Variants in REXO2 observed in about 807,000 individuals in gnomAD.
The protein encoded by REXO2 is RNA exonuclease 2, also known as oligoribonuclease, mitochondrial.
In REXO2, 17 loss-of-function variants were observed where a neutral mutation model predicts 30.9. The observed-to-expected ratio is 0.55, with a 90% CI of 0.38 to 0.82. The LOEUF is 0.82. Ranked by LOEUF, REXO2 falls within the 40% of genes least tolerant of loss-of-function variation. REXO2 has a pLI of 0.00. For missense variants in REXO2, 253 were observed against 293.2 expected, an observed-to-expected ratio of 0.86 and a Z score of 1.00; for synonymous variants, 105 against 99.6, an observed-to-expected ratio of 1.05 and a Z score of -0.32.
intron 4 of REXO2, among the ~76,000 whole-genome samples, chr11:114,444,925 A>G (rs1329979593): frequency 6.6e-6 from 1 of 152,242 alleles, no homozygotes; most frequent in Non-Finnish European, 1.5e-5. Context: ...TCACATGCAC[A>G]GAGGAGTGGA....
chr11:114,440,548 A>G (rs979671567), intron 1 of REXO2, 108 bp from the exon 2 acceptor site: 22 of 792,898 alleles, frequency 2.8e-5, no homozygotes, highest in Middle Eastern at 5.1e-4. Context: ...TGTTTCGGCT[A>G]TGGATTACAA....
intron 2 of REXO2, chr11:114,442,025 T>C (rs1946482000): frequency 2.1e-6 from 1 of 476,090 alleles, no homozygotes; most frequent in South Asian, 3.9e-5. Flanking sequence ...ACTGTTGATA[T>C]AATGTGAAAT....
intron 5 of REXO2, among the ~76,000 whole-genome samples, 165 bp from the exon 6 acceptor site, chr11:114,447,661 A>G (rs1204462405): frequency 2.6e-5 from 4 of 152,166 alleles, no homozygotes; most frequent in African/African-American, 9.7e-5. Flanking sequence ...GAAAATATAT[A>G]GAAGAAAGAG....
chr11:114,441,815 A>G (rs906754682), intron 2 of REXO2: 4 of 701,384 alleles, frequency 5.7e-6, no homozygotes, highest in Non-Finnish European at 7.8e-6. Context: ...TCCTCCCCAC[A>G]TATCAACTGT....
chr11:114,440,627 G>C (rs1322234658), intron 1 of REXO2, 29 bp from the exon 2 acceptor site: 1 of 1,523,482 alleles, frequency 6.6e-7, no homozygotes, highest in African/African-American at 1.4e-5. Flanking sequence ...ATGGCTTTGT[G>C]TGTGTTATAT....
intron 1 of REXO2, chr11:114,440,072 G>T: frequency 2.1e-6 from 1 of 478,148 alleles, no homozygotes; most frequent in East Asian, 6.3e-5. Context: ...CGGGACTCCG[G>T]AGATGACTCA....
At chr11:114,446,250 C>T (rs1946509244) in intron 5 of REXO2, 163 bp downstream of exon 5, 1 of 432,618 alleles carries the variant, frequency 2.3e-6, no homozygotes. Context: ...TTACCCTGGA[C>T]TGGTGAGAAT....
intron 5 of REXO2, among the ~76,000 whole-genome samples, chr11:114,446,550 A>G (rs1218291721): frequency 6.6e-6 from 1 of 152,218 alleles, no homozygotes; most frequent in Non-Finnish European, 1.5e-5. Context: ...AGGAATGGGG[A>G]GTCAGAGAAA....
intron 2 of REXO2, chr11:114,441,701 T>G (rs1220611142): frequency 2.8e-6 from 2 of 702,054 alleles, no homozygotes; most frequent in Non-Finnish European, 5.2e-6. Context: ...CTGGATACAT[T>G]TCGTAAATCT....
At chr11:114,440,121 C>T (rs771499099) in intron 1 of REXO2, 23 of 465,608 alleles carry the variant, frequency 4.9e-5, no homozygotes, top group Non-Finnish European at 7.3e-5. Flanking sequence ...CATTGAGGCC[C>T]ACAGAAAGGA....
Position 114,439,518 on chromosome 11 carries a change from G to A in REXO2, c.-11G>A, listed in dbSNP as rs371812301. 3.4e-5 allele frequency: 55 copies of A among 1,604,168 alleles called. No individual in the cohort carries two copies. Among genetic ancestry groups the A allele is most frequent in the Middle Eastern group, 2.1e-4 (1 of 4,724 alleles). ...CTGCGAGACTGGGGCCGTGGCTGCT[G>A]GTCCCGGGTGATGCTAGGCGGCTCC... On this transcript the variant is annotated 5_prime_UTR_variant, in exon 1 of 7. Coordinates refer to ENST00000265881, the MANE Select transcript of REXO2 (RefSeq NM_015523.4).
At chr11:114,449,106 C>G (rs1946529916) in intron 6 of REXO2, 1 of 152,188 alleles carries the variant, frequency 6.6e-6, no homozygotes, top group Non-Finnish European at 1.5e-5. Flanking sequence ...TCTTGGTTAC[C>G]TGATTTCTCA....
rs1471188731 is a variant in REXO2, at chr11:114,444,194, A to T, written c.309+261A>T. ...ATTGTGGATTGTCAAGTATTACTCA[A>T]GTCAGTCTTTTGGATAAGGTTAGAC... On this transcript the variant is annotated intron_variant, in intron 3 of 6. Coordinates refer to ENST00000265881, the MANE Select transcript of REXO2 (RefSeq NM_015523.4). The T allele has an allele frequency of 9.8e-6, 6 of 615,262 alleles. No individual in the cohort carries two copies. The Admixed American group carries it at 1.3e-4, about 13-fold the overall frequency. The allele number at this position is 615,262 out of a possible 1,614,324, so 38.1% of individuals were successfully genotyped here. A position where few individuals can be genotyped will look rare whatever the true frequency, so the allele number is the denominator to read the frequency against.
chr11:114,440,002 G>T (rs900779052), intron 1 of REXO2: 3 of 497,042 alleles, frequency 6.0e-6, no homozygotes, highest in Non-Finnish European at 1.1e-5. Context: ...GGGGGCAGCG[G>T]CTCTGTTCCC....
In REXO2 at chr11:114,443,842, T is replaced by G; in HGVS notation, c.232-14T>G. The G allele has an allele frequency of 6.3e-7, 1 of 1,594,818 alleles. No individual in the cohort carries two copies. The highest frequency in any genetic ancestry group is 1.7e-5 in the Admixed American group (1 of 58,164). On this transcript the variant is annotated splice_polypyrimidine_tract_variant and intron_variant, in intron 2 of 6. Transcript: ENST00000265881. Reference sequence around the variant, plus strand: ...TGTTGTTTCTTGGTGACTGATGGCGTTTCCCATCCACAGGGTCCTAACCTG... The same window carrying G: ...TGTTGTTTCTTGGTGACTGATGGCGGTTCCCATCCACAGGGTCCTAACCTG...
At chr11:114,441,690 A>C in intron 2 of REXO2, 1 of 701,858 alleles carries the variant, frequency 1.4e-6, no homozygotes, top group Non-Finnish European at 2.6e-6. Flanking sequence ...TGTTACTGGC[A>C]CTGGATACAT....
chr11:114,442,175 G>T (rs1946483259), intron 2 of REXO2, among the ~76,000 whole-genome samples: 2 of 148,660 alleles, frequency 1.3e-5, no homozygotes, highest in Admixed American at 6.7e-5. Flanking sequence ...AAAAAAAAAA[G>T]CTTAGGGGCT....
At chr11:114,447,129 G>A (rs1211913644) in intron 5 of REXO2, among the ~76,000 whole-genome samples, 4 of 151,890 alleles carry the variant, frequency 2.6e-5, no homozygotes, top group Non-Finnish European at 5.9e-5. Context: ...TAGTAGAGAC[G>A]GGGTTTCACC....
At chr11:114,440,354 T>TG (rs1946468172) in intron 1 of REXO2, among the ~76,000 whole-genome samples, 1 of 152,200 alleles carries the variant, frequency 6.6e-6, no homozygotes, top group African/African-American at 2.4e-5. Context: ...GACGTGGTGG[T>TG]GGTAGTTATC....
Sources: gnomAD v4.1 joint callset for allele counts (sites outside exome capture counted in the v4.1 genomes callset) on GRCh38, gnomAD v4.1.1 for gene constraint, MANE v1.5 for transcripts, NCBI Gene and HGNC (gene_info 2026-07-23, HGNC 2026-07-21) for gene names.